ZNF219: variants seen among roughly 807,000 people sequenced by gnomAD.
ZNF219 encodes the protein zinc finger protein 219.
A neutral mutation model predicts 54.4 loss-of-function variants in ZNF219; 17 were observed. The ratio of observed to expected loss-of-function variants is 0.31; its 90% confidence interval spans 0.21 to 0.47. ZNF219 has a LOEUF of 0.47. Among genes scored for constraint, ZNF219 ranks in the 20% least tolerant of loss-of-function variants. The probability of loss-of-function intolerance (pLI) is 1.00; values close to 1 mark genes in which losing one functional copy is unlikely to be tolerated. For synonymous variants in ZNF219, 518 were observed against 476.4 expected (o/e 1.09, Z -1.14); for missense variants, 1,014 against 1,062.3 (o/e 0.95, Z 0.63).
At chr14:21,093,744 C>G in intron 1 of ZNF219, 70 bp from the exon 2 acceptor site, 1 of 1,393,286 alleles carries the variant, frequency 7.2e-7, no homozygotes, top group Non-Finnish European at 1.0e-6. Context: ...CTCCCTACCC[C>G]CAGACTCTCA....
chr14:21,091,969 C>T lies in ZNF219; in HGVS notation c.1328G>A (p.Gly443Asp), dbSNP rs768026791. Residue 443 changes from glycine (G) to aspartate (D), a missense_variant, in exon 3 of 5, where the codon GGC (glycine) becomes GAC (aspartate). Transcript: ENST00000360947. ...VEAEEETWAR[G>D]RSLGSLASLH... ...GGAAGCCAGAGAGCCCAGCGACCTG[C>T]CCCGGGCCCAGGTTTCCTCCTCGGC... 2.5e-6 allele frequency: 4 copies of T among 1,578,320 alleles called. No homozygotes were observed. The highest frequency in any genetic ancestry group is 8.6e-7 in the Non-Finnish European group (1 of 1,162,742).
chr14:21,094,274 G>A (rs1889150930), intron 1 of ZNF219: 1 of 432,722 alleles, frequency 2.3e-6, no homozygotes. Flanking sequence ...CAGACAGAGG[G>A]GGAGGGGCAT....
chr14:21,100,366 T>C (rs1453215637), upstream of ZNF219, among the ~76,000 whole-genome samples: 1 of 111,198 alleles, frequency 9.0e-6, no homozygotes, highest in Non-Finnish European at 2.3e-5. Flanking sequence ...CCTGTCTCAA[T>C]AATATAATAA....
intron 1 of ZNF219, chr14:21,094,522 A>G: frequency 2.5e-6 from 1 of 405,600 alleles, no homozygotes. Context: ...CTCACACAAG[A>G]GGAGGATTAC....
chr14:21,091,765 T>A, intron 3 of ZNF219, 100 bp downstream of exon 3: 8 of 1,458,438 alleles, frequency 5.5e-6, no homozygotes, highest in Non-Finnish European at 7.2e-6. Flanking sequence ...TCAGGAGAAA[T>A]TAAACGTAAG....
At position 21,098,338 on chromosome 14, in the gene ZNF219, G is replaced by GGGCGGC. The variant is rs907341179; in HGVS notation, c.-116_-111dup. The stretch of plus-strand genomic sequence containing the variant: ...AGCCCCGGGCGGGCGGCGGCGGAGC[G>GGGCGGC]GGCGGCGGCGGCGGCGGCGGCGGCG... On this transcript the variant is annotated 5_prime_UTR_variant, in exon 1 of 5. Coordinates refer to ENST00000360947, the MANE Select transcript of ZNF219 (RefSeq NM_016423.3). The GGGCGGC allele has an allele frequency of 3.7e-4, 88 of 238,968 alleles. No homozygotes were observed. Among genetic ancestry groups the GGGCGGC allele is most frequent in the South Asian group, 4.1e-4 (3 of 7,390 alleles). 14.8% of individuals were successfully genotyped at this position (238,968 alleles called of 1,614,324 possible). A position where few individuals can be genotyped will look rare whatever the true frequency, so the allele number is the denominator to read the frequency against.
Position 21,093,617 on chromosome 14 carries a change from TG to T in ZNF219, c.-27del. ...GGACCCCCTTCACATTCTTTGGTTCTGGGAAGTGCAGGGAAGAGGAGGAAAA... is the reference window on the plus strand; with the variant it reads ...GGACCCCCTTCACATTCTTTGGTTCTGGAAGTGCAGGGAAGAGGAGGAAAA... On this transcript the variant is annotated 5_prime_UTR_variant, in exon 2 of 5. It introduces an in-frame stop codon into an upstream open reading frame of the 5' UTR. Transcript: ENST00000360947. The T allele has an allele frequency of 6.2e-7, 1 of 1,614,142 alleles. No homozygotes were observed. Among genetic ancestry groups the T allele is most frequent in the South Asian group, 1.1e-5 (1 of 91,080 alleles).
chr14:21,091,651 G>A, intron 3 of ZNF219, 109 bp from the exon 4 acceptor site: 1 of 1,494,282 alleles, frequency 6.7e-7, no homozygotes, highest in Non-Finnish European at 8.9e-7. Context: ...GGGTCCAGGA[G>A]GAAACAAAGT....
chr14:21,100,369 TATAATA>T (rs3061999), upstream of ZNF219, among the ~76,000 whole-genome samples: 15 of 149,422 alleles, frequency 1.0e-4, no homozygotes, highest in South Asian at 4.3e-4. Flanking sequence ...GTCTCAATAA[TATAATA>T]ATAATAATAA....
At chr14:21,098,847 A>T (rs563448693), upstream of ZNF219, 12 of 1,287,758 alleles carry the variant, frequency 9.3e-6, no homozygotes, top group South Asian at 1.2e-4. Flanking sequence ...TTTCTGCCCC[A>T]ACATGCACAG....
chr14:21,092,622 C>T lies in ZNF219; in HGVS notation c.675G>A (p.Ala225=). The change falls in exon 3 of 5, where the codon GCG becomes GCA. Residue 225 remains alanine (A), a synonymous_variant. Coordinates refer to ENST00000360947, the MANE Select transcript of ZNF219 (RefSeq NM_016423.3). ...PERPLAATSA[A]PPPQPQPQPP... is the part of the protein sequence containing the mutation. Reference sequence around the variant, plus strand: ...GCTGAGGCTGAGGCTGAGGCGGAGGCGCAGCGGAGGTGGCCGCCAGGGGAC... The same window carrying T: ...GCTGAGGCTGAGGCTGAGGCGGAGGTGCAGCGGAGGTGGCCGCCAGGGGAC... 1.3e-6 allele frequency: 2 copies of T among 1,554,848 alleles called. No homozygotes were observed. The highest frequency in any genetic ancestry group is 8.7e-7 in the Non-Finnish European group (1 of 1,152,122).
upstream of ZNF219, chr14:21,101,994 G>C (rs778750437): frequency 1.9e-6 from 3 of 1,551,040 alleles, no homozygotes; most frequent in African/African-American, 4.1e-5. Flanking sequence ...CACCACAAGG[G>C]AGGGTGGAAG....
upstream of ZNF219, chr14:21,099,330 G>A (rs1952512): frequency 0.14 from 22,016 of 152,264 alleles, 2,130 homozygotes; most frequent in African/African-American, 0.27. Flanking sequence ...TGAGGCTTCA[G>A]GAAGTCTGTT....
chr14:21,092,704 G>A lies in ZNF219; in HGVS notation c.593C>T (p.Ser198Phe), dbSNP rs549022440. ...PWKCGLCSFGSSQEEELLHHS... is the reference protein window; with the variant it reads ...PWKCGLCSFGFSQEEELLHHS... ...GTGCAGCAGCTCCTCCTCCTGGCTG[G>A]AGCCGAAACTGCACAGGCCGCACTT... is the stretch of plus-strand genomic sequence containing the variant. The change falls in exon 3 of 5, where the codon TCC becomes TTC. Residue 198 changes from serine to phenylalanine, a missense_variant. Ser to Phe is a radical substitution (Grantham distance 155). Around this residue, in one of 5 missense-constraint regions of ZNF219, gnomAD observed 395 missense variants for 415.1 expected, o/e 0.95. Transcript: ENST00000360947. 5.1e-6 allele frequency: 8 copies of A among 1,581,580 alleles called. No homozygotes were observed. Among genetic ancestry groups the A allele is most frequent in the Middle Eastern group, 1.7e-4 (1 of 5,814 alleles).
intron 1 of ZNF219, chr14:21,097,227 C>T (rs1169063052): frequency 1.3e-5 from 2 of 152,324 alleles, no homozygotes; most frequent in Non-Finnish European, 2.9e-5. Flanking sequence ...TTGGTAAAGC[C>T]TCCTTCCCTC....
Position 21,090,276 on chromosome 14 carries a change from A to C in ZNF219, c.*260T>G. The C allele has an allele frequency of 1.5e-6, 1 of 687,592 alleles. No homozygotes were observed. Among genetic ancestry groups the C allele is most frequent in the Non-Finnish European group, 2.7e-6 (1 of 376,402 alleles). The allele number at this position is 687,592 out of a possible 1,614,324, so 42.6% of individuals were successfully genotyped here. A position where few individuals can be genotyped will look rare whatever the true frequency, so the allele number is the denominator to read the frequency against. On this transcript the variant is annotated 3_prime_UTR_variant, in exon 5 of 5. Transcript: ENST00000360947. The surrounding 1 kb of genome is among the most constrained non-coding windows in gnomAD (Gnocchi z 4.4). Reference sequence around the variant, plus strand: ...CTGGCAGAGTGGCTCCTCAACAGGGACACAAACCTTCTCTGCCAGCCCAGG... The same window carrying C: ...CTGGCAGAGTGGCTCCTCAACAGGGCCACAAACCTTCTCTGCCAGCCCAGG...
rs773948480 is a variant in ZNF219 at position 21,092,957 on chromosome 14, T to C, written c.340A>G (p.Ser114Gly). The stretch of plus-strand genomic sequence containing the variant: ...TCCAGCAACAGGCGTGCAGCAGGAC[T>C]ACGTGGGCGCTCGGGCTGGTGTGTG... ...LRTHQPERPR[S>G]PAARLLLELE... Residue 114 changes from serine to glycine, a missense_variant, in exon 3 of 5, where the codon AGT (serine) becomes GGT (glycine). Transcript: ENST00000360947. The C allele has an allele frequency of 6.3e-7, 1 of 1,586,528 alleles. No homozygotes were observed. The highest frequency in any genetic ancestry group is 1.8e-5 in the Admixed American group (1 of 56,564).
rs1162503703 is a variant in ZNF219, at chr14:21,092,739, A to G, written c.558T>C (p.His186=). Residue 186 remains histidine, a synonymous_variant, in exon 3 of 5, where the codon CAT becomes CAC. Coordinates refer to ENST00000360947, the MANE Select transcript of ZNF219 (RefSeq NM_016423.3). The part of the protein sequence containing the change: ...AERERHLHIL[H]RPWKCGLCSF... ...TGCACAGGCCGCACTTCCAGGGCCT[A>G]TGCAGGATGTGCAGGTGGCGTTCGC... The G allele has an allele frequency of 6.9e-6, 11 of 1,588,410 alleles. No homozygotes were observed. The highest frequency in any genetic ancestry group is 9.4e-6 in the Non-Finnish European group (11 of 1,167,742).
upstream of ZNF219, chr14:21,102,291 T>C (rs1889689733): frequency 3.5e-6 from 5 of 1,430,862 alleles, no homozygotes; most frequent in Non-Finnish European, 4.8e-6. Flanking sequence ...CTTATGGCCC[T>C]GTTTGGAGGC....
Sources: gnomAD v4.1 joint callset for allele counts (sites outside exome capture counted in the v4.1 genomes callset) on GRCh38, gnomAD v4.1.1 for gene constraint, gnomAD v4.1.1 regional missense constraint, Gnocchi (gnomAD v3.1) non-coding constraint, MANE v1.5 for transcripts, NCBI Gene and HGNC (gene_info 2026-07-23, HGNC 2026-07-21) for gene names.